The following GDAP1 variants were observed in gnomAD, a reference collection of about 807,000 sequenced individuals.
GDAP1 encodes ganglioside induced differentiation associated protein 1.
In GDAP1, 34 loss-of-function variants were observed where a neutral mutation model predicts 40.1. The observed-to-expected ratio is 0.85, with a 90% CI of 0.64 to 1.13. The LOEUF (loss-of-function observed/expected upper bound fraction) is 1.13, where lower values mean the gene tolerates loss of function less well. Among genes scored for constraint, GDAP1 ranks in the 50% most tolerant of loss-of-function variants. GDAP1 has a pLI of 0.00. For missense variants in GDAP1, 374 were observed against 433.7 expected (o/e 0.86, Z 1.22); for synonymous variants, 170 against 157.4 (o/e 1.08, Z -0.60).
rs555441018 is a variant in GDAP1 at position 74,479,479 on chromosome 8, T to C, written c.166-9199T>C. ...TTTCCTATAATTTCTTTTTTATGAA[T>C]GTTGCTTCTATGTTAAATGATATTT... is the stretch of plus-strand genomic sequence containing the variant. On this transcript the variant is annotated intron_variant, in intron 2 of 2. Transcript: ENST00000523640. Among the ~76,000 whole-genome samples the C allele has an allele frequency of 4.3e-4, 65 of 152,368 alleles. 1 individual carries two copies. In the South Asian group the frequency reaches 0.013, roughly 30 times the overall value.
At chr8:74,442,191 G>GT (rs1170583811) in intron 2 of GDAP1, among the ~76,000 whole-genome samples, 3 of 152,180 alleles carry the variant, frequency 2.0e-5, no homozygotes, top group Non-Finnish European at 4.4e-5. Flanking sequence ...TGTGAATGTG[G>GT]TATTTCAGAT....
chr8:74,469,065 G>C (rs150518404), intron 2 of GDAP1, among the ~76,000 whole-genome samples: 1 of 152,156 alleles, frequency 6.6e-6, no homozygotes, highest in African/African-American at 2.4e-5. Flanking sequence ...AATTATAATA[G>C]GTGAATTACA....
chr8:74,432,737 A>G (rs1336097751), intron 2 of GDAP1, among the ~76,000 whole-genome samples: 1 of 152,202 alleles, frequency 6.6e-6, no homozygotes, highest in Non-Finnish European at 1.5e-5. Context: ...TCAACTTTCT[A>G]AAAATTCGCT....
At chr8:74,443,026 A>G (rs10090236) in intron 2 of GDAP1, among the ~76,000 whole-genome samples, 1 of 152,340 alleles carries the variant, frequency 6.6e-6, no homozygotes, top group Admixed American at 6.5e-5. Flanking sequence ...AGGGATTAGA[A>G]ACTAGTTGGG....
intron 2 of GDAP1, among the ~76,000 whole-genome samples, chr8:74,459,034 G>T (rs987900507): frequency 6.6e-6 from 1 of 152,078 alleles, no homozygotes; most frequent in East Asian, 1.9e-4. Flanking sequence ...ATTAGTTTGC[G>T]CAGCCCTTGG....
At chr8:74,396,044 C>G (rs1294296498) in intron 2 of GDAP1, among the ~76,000 whole-genome samples, 1 of 152,020 alleles carries the variant, frequency 6.6e-6, no homozygotes, top group Non-Finnish European at 1.5e-5. Context: ...ACATTTTTTC[C>G]CATATATATG....
intron 2 of GDAP1, among the ~76,000 whole-genome samples, chr8:74,401,997 C>G (rs1378343409): frequency 1.3e-5 from 2 of 150,286 alleles, no homozygotes. Context: ...GCTCAGGGGT[C>G]AGGGGTCAGG....
chr8:74,396,788 C>G (rs369028853), intron 2 of GDAP1, among the ~76,000 whole-genome samples: 3 of 152,160 alleles, frequency 2.0e-5, no homozygotes, highest in African/African-American at 4.8e-5. Context: ...CAAGTCTTTG[C>G]TATTGTGAAT....
rs1033600271 is a variant in GDAP1 at position 74,421,256 on chromosome 8, T to C, written c.166-67422T>C. ...TCCCCAGGTTAAATAGTTAAAAACA[T>C]TGGAAATAACTTAAAGCTCCAGGTT... On this transcript the variant is annotated intron_variant, in intron 2 of 2. Transcript: ENST00000523640. Among the ~76,000 whole-genome samples the C allele has an allele frequency of 3.3e-5, 5 of 152,170 alleles. No homozygotes were observed. The East Asian group carries it at 5.8e-4, about 18-fold the overall frequency.
Position 74,451,972 on chromosome 8 carries a change from CG to C in GDAP1, c.166-36704del, listed in dbSNP as rs1289397066. ...ATTTAATTTAATTTAATTTTTGAGA[CG>C]GAGTCTTGCTCTGTCGCCCAGGCTG... On this transcript the variant is annotated intron_variant, in intron 2 of 2. Transcript: ENST00000523640. 6.5e-5 allele frequency among the ~76,000 whole-genome samples: 2 copies of C among 30,776 alleles called. 1 individual carries two copies. The highest frequency in any genetic ancestry group is 2.1e-4 in the African/African-American group (2 of 9,442). 20.2% of individuals were successfully genotyped at this position (30,776 alleles called of 152,430 possible). A position where few individuals can be genotyped will look rare whatever the true frequency, so the allele number is the denominator to read the frequency against.
intron 2 of GDAP1, among the ~76,000 whole-genome samples, chr8:74,398,707 T>C (rs1404376383): frequency 6.6e-6 from 1 of 152,172 alleles, no homozygotes; most frequent in Non-Finnish European, 1.5e-5. Context: ...GCTCTTGTTA[T>C]TTTGAGATGC....
At chr8:74,436,693 A>G (rs1411408946) in intron 2 of GDAP1, among the ~76,000 whole-genome samples, 1 of 151,092 alleles carries the variant, frequency 6.6e-6, no homozygotes, top group African/African-American at 2.4e-5. Context: ...AAGTGCTGGG[A>G]TTATAGGCGT....
chr8:74,418,391 A>G (rs1339905659), intron 2 of GDAP1, among the ~76,000 whole-genome samples: 1 of 152,218 alleles, frequency 6.6e-6, no homozygotes, highest in Non-Finnish European at 1.5e-5. Context: ...TCACAGAAAT[A>G]TGGCCAATTG....
At chr8:74,368,083 T>G (rs1459148507), downstream of GDAP1, among the ~76,000 whole-genome samples, 2 of 152,348 alleles carry the variant, frequency 1.3e-5, no homozygotes, top group Middle Eastern at 3.4e-3. Context: ...TCTTTTACTT[T>G]ATTACTTATG....
intron 2 of GDAP1, among the ~76,000 whole-genome samples, chr8:74,486,455 TCTTCAGTG>T (rs1806777269): frequency 6.6e-6 from 1 of 152,192 alleles, no homozygotes; most frequent in African/African-American, 2.4e-5. Flanking sequence ...TCTTATTTTA[TCTTCAGTG>T]CTTTGCATAA....
intron 2 of GDAP1, among the ~76,000 whole-genome samples, chr8:74,449,728 C>T (rs974411727): frequency 2.0e-5 from 3 of 151,742 alleles, no homozygotes; most frequent in African/African-American, 7.2e-5. Flanking sequence ...ATCATGTCAT[C>T]TGTGAATAAG....
At chr8:74,438,665 A>T (rs565909147) in intron 2 of GDAP1, among the ~76,000 whole-genome samples, 59 of 152,126 alleles carry the variant, frequency 3.9e-4, no homozygotes, top group African/African-American at 1.4e-3. Context: ...CAGTGGCATG[A>T]TCATAGTTTG....
chr8:74,479,151 A>T (rs980340464), intron 2 of GDAP1, among the ~76,000 whole-genome samples: 2 of 152,202 alleles, frequency 1.3e-5, no homozygotes, highest in Non-Finnish European at 2.9e-5. Flanking sequence ...GCTGCACTTT[A>T]CAGACCTTAT....
At chr8:74,362,122 T>C in intron 4 of GDAP1, 144 bp downstream of exon 4, 1 of 670,132 alleles carries the variant, frequency 1.5e-6, no homozygotes, top group Non-Finnish European at 2.7e-6. Context: ...TATGTTCTCC[T>C]TTTAGAAAGA....
Sources: allele counts gnomAD v4.1 joint callset (sites outside exome capture counted in the v4.1 genomes callset), GRCh38; gene constraint gnomAD v4.1.1; transcripts MANE v1.5; gene names NCBI Gene and HGNC (gene_info 2026-07-23, HGNC 2026-07-21).